Variants in ADGRF1 observed in about 807,000 individuals in gnomAD.
ADGRF1 encodes G protein-coupled receptor 110.
Under a neutral mutation model 87.2 loss-of-function variants are expected in ADGRF1, and 85 were observed. That is an observed-to-expected ratio of 0.97 (90% CI 0.82 to 1.17). The LOEUF is 1.17. ADGRF1 is among the 50% of genes most tolerant of loss of function. ADGRF1 has a pLI of 0.00. For synonymous variants in ADGRF1, 430 were observed against 408.8 expected (o/e 1.05, Z -0.63); for missense variants, 1,169 against 1,077.2 (o/e 1.09, Z -1.19).
At position 47,033,508 on chromosome 6, in the gene ADGRF1, T is replaced by C. The variant is rs1318446348; in HGVS notation, c.-43-4404A>G. ...GCACAGTTGAACTCTGCGCTGTTTC[T>C]CTGGCATCAATATTTATGGGATTAT... On this transcript the variant is annotated intron_variant, in intron 1 of 14. Transcript: ENST00000371253. Among the ~76,000 whole-genome samples the C allele has an allele frequency of 2.6e-5, 4 of 152,248 alleles. No individual in the cohort carries two copies. In the East Asian group the frequency reaches 7.7e-4, roughly 29 times the overall value.
Position 47,009,880 on chromosome 6 carries a change from A to C in ADGRF1, c.1555T>G (p.Phe519Val). 6.2e-7 allele frequency: 1 copy of C among 1,614,008 alleles called. No individual in the cohort carries two copies. The highest frequency in any genetic ancestry group is 8.5e-7 in the Non-Finnish European group (1 of 1,179,894). Residue 519 changes from phenylalanine (F) to valine (V), a missense_variant, in exon 11 of 15, where the codon TTC (phenylalanine) becomes GTC (valine). By Grantham distance (50) the Phe-to-Val change is conservative. Transcript: ENST00000371253. The part of the protein sequence containing the change: ...VIQNYSINEV[F>V]LFFSKIESNL... ...GACTCTATCTTGGAAAAAAATAGGA[A>C]AACTTCATTTATGGAATAGTTTTGA... is the stretch of plus-strand genomic sequence containing the variant.
At chr6:47,022,516 C>T (rs1302187505) in intron 5 of ADGRF1, among the ~76,000 whole-genome samples, 2 of 152,216 alleles carry the variant, frequency 1.3e-5, no homozygotes, top group East Asian at 1.9e-4. Flanking sequence ...TCTATTTATC[C>T]TTCATTCAGG....
chr6:47,010,059 G>T lies in ADGRF1; in HGVS notation c.1376C>A (p.Pro459His), dbSNP rs1219357447. The change falls in exon 11 of 15, where the codon CCC becomes CAC. Residue 459 changes from proline (P) to histidine (H), a missense_variant. Coordinates refer to ENST00000371253, the MANE Select transcript of ADGRF1 (RefSeq NM_153840.4). ...IKMCPQNTSIPIRGRVLIGSD... is the reference protein window; with the variant it reads ...IKMCPQNTSIHIRGRVLIGSD... Reference sequence around the variant, plus strand: ...CCCAATTAACACACGGCCTCTGATGGGAATAGATGTATTTTGGGGACACAT... The same window carrying T: ...CCCAATTAACACACGGCCTCTGATGTGAATAGATGTATTTTGGGGACACAT... 1 of 1,614,098 alleles carries T rather than the reference G, an allele frequency of 6.2e-7. No individual in the cohort carries two copies. The highest frequency in any genetic ancestry group is 2.2e-5 in the East Asian group (1 of 44,868).
In ADGRF1 at chr6:47,005,476, A is replaced by T. The variant is rs371819044; in HGVS notation, c.2592+341T>A. 8.5e-4 allele frequency among the ~76,000 whole-genome samples: 130 copies of T among 152,310 alleles called. 6 individuals are homozygous for T. The South Asian group carries it at 0.024, about 28-fold the overall frequency. On this transcript the variant is annotated intron_variant, in intron 13 of 14. Transcript: ENST00000371253. Reference sequence around the variant, plus strand: ...GTTTACAGAAGGTTCAGAAAGTCAGATGAAGAAAAGGGCCTTGCTAGTTCT... The same window carrying T: ...GTTTACAGAAGGTTCAGAAAGTCAGTTGAAGAAAAGGGCCTTGCTAGTTCT...
intron 9 of ADGRF1, chr6:47,013,548 T>A: frequency 1.0e-6 from 1 of 985,548 alleles, no homozygotes; most frequent in Non-Finnish European, 1.2e-6. Flanking sequence ...TTGGGGTCCT[T>A]CTTTTCTGTG....
chr6:47,016,434 A>G (rs1051403298), intron 8 of ADGRF1, among the ~76,000 whole-genome samples, 183 bp downstream of exon 8: 10 of 152,210 alleles, frequency 6.6e-5, no homozygotes, highest in Non-Finnish European at 1.5e-5. Flanking sequence ...CAAGAATTTG[A>G]AATAGTCAGT....
At chr6:47,015,352 C>T (rs922252350) in intron 8 of ADGRF1, among the ~76,000 whole-genome samples, 2 of 152,066 alleles carry the variant, frequency 1.3e-5, no homozygotes, top group African/African-American at 4.8e-5. Context: ...TTTAATAATG[C>T]ATTCTTATCA....
chr6:47,007,411 C>T, intron 11 of ADGRF1, 117 bp from the exon 12 acceptor site: 2 of 598,226 alleles, frequency 3.3e-6, no homozygotes, highest in South Asian at 5.0e-5. Context: ...TGTCTGTCTC[C>T]TTAAGAGACT....
At chr6:47,042,023 G>A (rs1365095440) in intron 1 of ADGRF1, among the ~76,000 whole-genome samples, 168 bp downstream of exon 1, 2 of 152,102 alleles carry the variant, frequency 1.3e-5, no homozygotes, top group African/African-American at 2.4e-5. Context: ...TGTTGTTTCT[G>A]CTCATTGCTT....
rs1449329161 is a variant in ADGRF1 at position 47,016,780 on chromosome 6, A to G, written c.612-12T>C. On this transcript the variant is annotated splice_polypyrimidine_tract_variant and intron_variant, in intron 7 of 14. Coordinates refer to ENST00000371253, the MANE Select transcript of ADGRF1 (RefSeq NM_153840.4). The stretch of plus-strand genomic sequence containing the variant: ...CGATGCTTCCATTTCTGCAGTGATT[A>G]TGGGGAAAGAGAAATGAGATTCACT... 1.3e-6 allele frequency: 2 copies of G among 1,565,488 alleles called. No homozygotes were observed. The highest frequency in any genetic ancestry group is 3.5e-5 in the Admixed American group (2 of 56,448).
chr6:47,009,468 A>G lies in ADGRF1; in HGVS notation c.1967T>C (p.Val656Ala). The G allele has an allele frequency of 6.2e-7, 1 of 1,613,816 alleles. No homozygotes were observed. Among genetic ancestry groups the G allele is most frequent in the Middle Eastern group, 1.7e-4 (1 of 6,058 alleles). ...TVDTTVNPSG[V>A]CTAAVFFTHF... ...TGTAAAGAACACAGCAGCTGTGCAG[A>G]CTCCAGAAGGGTTCACCGTGGTGTC... Residue 656 changes from valine (V) to alanine (A), a missense_variant, in exon 11 of 15, where the codon GTC becomes GCC. Transcript: ENST00000371253.
chr6:47,001,254 T>G (rs1361384880), intron 14 of ADGRF1, among the ~76,000 whole-genome samples: 1 of 152,216 alleles, frequency 6.6e-6, no homozygotes, highest in Non-Finnish European at 1.5e-5. Flanking sequence ...ATGTCAAACT[T>G]GGGAAATAGA....
intron 8 of ADGRF1, 32 bp downstream of exon 8, chr6:47,016,585 A>G: frequency 6.4e-7 from 1 of 1,561,216 alleles, no homozygotes; most frequent in Non-Finnish European, 8.7e-7. Context: ...GGACTCTCTT[A>G]ACCTAAGCAG....
rs1561867867 is a variant in ADGRF1, at chr6:47,010,081, A to T, written c.1354T>A (p.Cys452Ser). 4 of 1,614,160 alleles carry T rather than the reference A, an allele frequency of 2.5e-6. No homozygotes were observed. The highest frequency in any genetic ancestry group is 3.3e-5 in the Admixed American group (2 of 60,014). ...KRGYSYQIKMCPQNTSIPIRG... is the reference protein window; with the variant it reads ...KRGYSYQIKMSPQNTSIPIRG... The stretch of plus-strand genomic sequence containing the variant: ...ATGGGAATAGATGTATTTTGGGGAC[A>T]CATTTTAATCTGATAGCTGTAACCC... The change falls in exon 11 of 15, where the codon TGT becomes AGT. Residue 452 changes from cysteine to serine, a missense_variant. Transcript: ENST00000371253.
intron 2 of ADGRF1, 95 bp from the exon 3 acceptor site, chr6:47,027,856 T>A: frequency 1.2e-6 from 1 of 830,110 alleles, no homozygotes; most frequent in Non-Finnish European, 2.0e-6. Flanking sequence ...AAATCATGAA[T>A]CTAAAATCCA....
At chr6:47,028,394 T>A (rs1046161126) in intron 2 of ADGRF1, among the ~76,000 whole-genome samples, 1 of 152,186 alleles carries the variant, frequency 6.6e-6, no homozygotes, top group Non-Finnish European at 1.5e-5. Flanking sequence ...TTCTTAAGGT[T>A]TTTTTGCCTA....
At position 47,009,930 on chromosome 6, in the gene ADGRF1, T is replaced by C. The variant is rs749617565; in HGVS notation, c.1505A>G (p.Asn502Ser). 27 of 1,614,016 alleles carry C rather than the reference T, an allele frequency of 1.7e-5. No individual in the cohort carries two copies. In the East Asian group the frequency reaches 3.8e-4, roughly 23 times the overall value. Residue 502 changes from asparagine to serine, a missense_variant, in exon 11 of 15, where the codon AAT becomes AGT. Physicochemically the swap from Asn to Ser is conservative, Grantham distance 46. Transcript: ENST00000371253. ...PVSKNGNAQV[N>S]GPVISTVIQN... ...AATAACCGTGGATATCACAGGTCCA[T>C]TGACCTGAGCATTTCCATTTTTGGA... is the stretch of plus-strand genomic sequence containing the variant.
chr6:47,013,739 T>C (rs1391986783), intron 9 of ADGRF1: 20 of 770,716 alleles, frequency 2.6e-5, no homozygotes, highest in Non-Finnish European at 3.0e-5. Context: ...TGGGGCTTGG[T>C]GGGAGATGAT....
chr6:47,040,503 G>A (rs372131130), intron 1 of ADGRF1, among the ~76,000 whole-genome samples: 1 of 147,968 alleles, frequency 6.8e-6, no homozygotes, highest in Non-Finnish European at 1.5e-5. Context: ...AAAAAAACAG[G>A]CAAAATATTT....
Sources: allele counts gnomAD v4.1 joint callset (sites outside exome capture counted in the v4.1 genomes callset), GRCh38; gene constraint gnomAD v4.1.1; transcripts MANE v1.5; gene names NCBI Gene and HGNC (gene_info 2026-07-23, HGNC 2026-07-21).